SPATA13: variants seen among roughly 807,000 people sequenced by gnomAD.
SPATA13 encodes the protein spermatogenesis-associated protein 13.
Under a neutral mutation model 104.0 loss-of-function variants are expected in SPATA13, and 50 were observed. The ratio of observed to expected loss-of-function variants is 0.48; its 90% CI spans 0.38 to 0.61. The LOEUF is 0.61. SPATA13 is among the 20% of genes least tolerant of loss of function. The probability of loss-of-function intolerance (pLI) is 0.00; values close to 1 mark genes in which losing one functional copy is unlikely to be tolerated. For synonymous variants in SPATA13, 606 were observed against 667.5 expected (o/e 0.91, Z 1.42); for missense variants, 1,524 against 1,690.6 (o/e 0.90, Z 1.73).
intron 2 of SPATA13, 165 bp downstream of exon 2, chr13:24,224,747 C>T (rs576718587): frequency 1.1e-4 from 80 of 730,760 alleles, no homozygotes; most frequent in Non-Finnish European, 1.8e-4. Flanking sequence ...TGCTGTTTAC[C>T]AAGTTCAGAA....
chr13:24,095,737 T>C (rs1880055327), intron 3 of SPATA13, among the ~76,000 whole-genome samples: 1 of 152,190 alleles, frequency 6.6e-6, no homozygotes, highest in African/African-American at 2.4e-5. Flanking sequence ...CCCTACAAAT[T>C]TGGTTCCCTG....
At chr13:24,221,372 A>G (rs1304348282) in intron 1 of SPATA13, among the ~76,000 whole-genome samples, 1 of 152,216 alleles carries the variant, frequency 6.6e-6, no homozygotes, top group Non-Finnish European at 1.5e-5. Context: ...TTATTATCAT[A>G]ATCTATCATT....
At chr13:24,102,691 C>T (rs1333115223) in intron 3 of SPATA13, among the ~76,000 whole-genome samples, 2 of 152,122 alleles carry the variant, frequency 1.3e-5, no homozygotes, top group Non-Finnish European at 2.9e-5. Flanking sequence ...CCAGGCTGGT[C>T]TCAAACTCCT....
Position 24,078,010 on chromosome 13 carries a change from C to G in SPATA13, c.-112+60309C>G, listed in dbSNP as rs1430538872. On this transcript the variant is annotated intron_variant, in intron 3 of 14. Transcript: ENST00000424834. ...CCTGCGATTGTCAGCTTCTTGCTCA[C>G]CCCACACTAACTTTGCAAACCGGTC... Among the ~76,000 whole-genome samples the G allele has an allele frequency of 2.0e-5, 3 of 152,120 alleles. No homozygotes were observed. In the East Asian group the frequency reaches 5.8e-4, roughly 29 times the overall value.
intron 2 of SPATA13, among the ~76,000 whole-genome samples, chr13:23,984,174 A>G (rs546597204): frequency 2.6e-4 from 39 of 152,346 alleles, no homozygotes; most frequent in African/African-American, 8.7e-4. Flanking sequence ...TGTGGTCAGT[A>G]TCTTGCCCTT....
At chr13:24,301,382 A>G (rs1468284450) in intron 12 of SPATA13, among the ~76,000 whole-genome samples, 1 of 152,212 alleles carries the variant, frequency 6.6e-6, no homozygotes, top group Non-Finnish European at 1.5e-5. Flanking sequence ...CTCCATGCAA[A>G]TGCAGAATTT....
intron 3 of SPATA13, among the ~76,000 whole-genome samples, chr13:24,023,724 G>A (rs1281111901): frequency 6.6e-6 from 1 of 152,156 alleles, no homozygotes; most frequent in Non-Finnish European, 1.5e-5. Context: ...TGGCTTTGAA[G>A]GTGGAGGCCA....
intron 2 of SPATA13, among the ~76,000 whole-genome samples, chr13:23,996,032 G>A (rs1457648270): frequency 2.6e-5 from 4 of 152,190 alleles, no homozygotes; most frequent in African/African-American, 9.6e-5. Context: ...GCTCATTCCA[G>A]AAGAGAACAG....
At chr13:24,123,685 G>T (rs1256570555) in intron 3 of SPATA13, 25 of 1,584,032 alleles carry the variant, frequency 1.6e-5, no homozygotes, top group South Asian at 1.4e-4. Flanking sequence ...TATTCGTAAG[G>T]GTCTTCTTGC....
chr13:24,039,528 G>A (rs923852067), intron 3 of SPATA13, among the ~76,000 whole-genome samples: 1 of 152,146 alleles, frequency 6.6e-6, no homozygotes, highest in African/African-American at 2.4e-5. Context: ...ACTTATTTAG[G>A]TTTCTTTTAT....
intron 3 of SPATA13, among the ~76,000 whole-genome samples, chr13:24,036,177 A>G (rs932852205): frequency 1.3e-5 from 2 of 152,250 alleles, no homozygotes; most frequent in Non-Finnish European, 2.9e-5. Context: ...ATTCCATTAC[A>G]TAAATTCCAT....
At chr13:24,143,689 C>T (rs555032088) in intron 3 of SPATA13, among the ~76,000 whole-genome samples, 4 of 152,250 alleles carry the variant, frequency 2.6e-5, no homozygotes, top group African/African-American at 9.6e-5. Context: ...GAACCCGAAA[C>T]GTCCTCCAGG....
rs535022573 is a variant in SPATA13, at chr13:24,296,253, T to C, written c.3211-1110T>C. On this transcript the variant is annotated intron_variant, in intron 10 of 12. Transcript: ENST00000382108. The stretch of plus-strand genomic sequence containing the variant: ...TCTTTTATTTCATCAGTGAAGAATC[T>C]AGGGCACGGAATTGCTCTGAGCAAG... Among the ~76,000 whole-genome samples the C allele has an allele frequency of 2.6e-5, 4 of 152,328 alleles. No homozygotes were observed. The South Asian group carries it at 8.3e-4, about 32-fold the overall frequency.
intron 3 of SPATA13, among the ~76,000 whole-genome samples, chr13:24,029,418 G>A (rs74240454): frequency 0.13 from 19,360 of 152,170 alleles, 1,738 homozygotes; most frequent in East Asian, 0.52. Context: ...AGGGCTGGCT[G>A]ATAGCCACAG....
At chr13:24,076,872 G>C (rs767531238) in intron 3 of SPATA13, among the ~76,000 whole-genome samples, 1 of 151,954 alleles carries the variant, frequency 6.6e-6, no homozygotes, top group Non-Finnish European at 1.5e-5. Context: ...GAGTCCCCTA[G>C]TCCTCTTGGA....
At chr13:24,172,654 T>C (rs1474124816) in intron 1 of SPATA13, among the ~76,000 whole-genome samples, 2 of 152,232 alleles carry the variant, frequency 1.3e-5, no homozygotes, top group Non-Finnish European at 2.9e-5. Context: ...TATCAAAAAT[T>C]AGTTGGTTTT....
intron 3 of SPATA13, among the ~76,000 whole-genome samples, chr13:24,035,853 T>C (rs914199722): frequency 2.6e-5 from 4 of 151,724 alleles, no homozygotes; most frequent in Non-Finnish European, 5.9e-5. Context: ...ATCTCTACTA[T>C]AAATACGAAA....
At chr13:24,260,975 T>C (rs1204426224) in intron 4 of SPATA13, among the ~76,000 whole-genome samples, 1 of 152,182 alleles carries the variant, frequency 6.6e-6, no homozygotes, top group Non-Finnish European at 1.5e-5. Context: ...GGCAGCCCGA[T>C]TGCTACAAGT....
chr13:23,994,436 C>T (rs1875577411), intron 2 of SPATA13, among the ~76,000 whole-genome samples: 1 of 152,162 alleles, frequency 6.6e-6, no homozygotes, highest in Non-Finnish European at 1.5e-5. Context: ...GAGGTATCAT[C>T]CTTAACAAGG....
Sources: allele counts gnomAD v4.1 joint callset (sites outside exome capture counted in the v4.1 genomes callset), GRCh38; gene constraint gnomAD v4.1.1; transcripts MANE v1.5; gene names NCBI Gene and HGNC (gene_info 2026-07-23, HGNC 2026-07-21).